Variants in GLRB observed in about 807,000 individuals in gnomAD.
GLRB encodes glycine receptor beta.
In GLRB, 33 loss-of-function variants were observed where a neutral mutation model predicts 54.2. The observed-to-expected ratio is 0.61, with a 90% CI of 0.46 to 0.81. The LOEUF is 0.81. GLRB is among the 40% of genes least tolerant of loss of function. The pLI is 0.00. For synonymous variants in GLRB, 209 were observed against 208.2 expected, an observed-to-expected ratio of 1.00 and a Z score of -0.03; for missense variants, 572 against 584.6, an observed-to-expected ratio of 0.98 and a Z score of 0.22.
In GLRB at chr4:157,105,270, A is replaced by G. The variant is rs557148882; in HGVS notation, c.123-15286A>G. Among the ~76,000 whole-genome samples the G allele has an allele frequency of 7.2e-5, 11 of 151,754 alleles. No homozygotes were observed. In the South Asian group the frequency reaches 2.1e-3, roughly 29 times the overall value. ...TCTCAATGTATTTTCTAATTTTAAT[A>G]TTTTTCATTAGCCCACTGGTTGTTC... On this transcript the variant is annotated intron_variant, in intron 2 of 9. Coordinates refer to ENST00000264428, the MANE Select transcript of GLRB (RefSeq NM_000824.5).
In GLRB at chr4:157,136,460, T is replaced by C. The variant is rs1301913965; in HGVS notation, c.298-9T>C. The C allele has an allele frequency of 4.7e-6, 7 of 1,498,118 alleles. No individual in the cohort carries two copies. Among genetic ancestry groups the C allele is most frequent in the Non-Finnish European group, 6.5e-6 (7 of 1,074,418 alleles). 92.8% of individuals were successfully genotyped at this position (1,498,118 alleles called of 1,614,324 possible). A position where few individuals can be genotyped will look rare whatever the true frequency, so the allele number is the denominator to read the frequency against. ...CATACACATGTGCACGCATGTACTTTTTCTTCAGGACTATAGAGTTAACAT... is the reference window on the plus strand; with the variant it reads ...CATACACATGTGCACGCATGTACTTCTTCTTCAGGACTATAGAGTTAACAT... On this transcript the variant is annotated splice_polypyrimidine_tract_variant and intron_variant, in intron 4 of 9. Transcript: ENST00000264428.
At chr4:157,162,869 A>G (rs1292459259) in intron 9 of GLRB, among the ~76,000 whole-genome samples, 3 of 152,198 alleles carry the variant, frequency 2.0e-5, no homozygotes, top group African/African-American at 7.2e-5. Flanking sequence ...AAGCTGTCAG[A>G]CAGGGACATT....
intron 2 of GLRB, among the ~76,000 whole-genome samples, chr4:157,098,150 T>C (rs891782557): frequency 1.3e-5 from 2 of 152,158 alleles, no homozygotes; most frequent in Non-Finnish European, 2.9e-5. Flanking sequence ...ATAAATGGAG[T>C]AATAACAATT....
At chr4:157,163,068 C>T (rs909219786) in intron 9 of GLRB, among the ~76,000 whole-genome samples, 3 of 152,286 alleles carry the variant, frequency 2.0e-5, no homozygotes, top group East Asian at 1.9e-4. Context: ...GCTTCCACCT[C>T]GCAGTTCGAT....
At chr4:157,159,187 C>G (rs969724618) in intron 9 of GLRB, among the ~76,000 whole-genome samples, 2 of 152,102 alleles carry the variant, frequency 1.3e-5, no homozygotes, top group African/African-American at 4.8e-5. Context: ...ATTTTGTATC[C>G]TGAGACTTTG....
chr4:157,106,162 A>G (rs1735216429), intron 2 of GLRB, among the ~76,000 whole-genome samples: 4 of 151,544 alleles, frequency 2.6e-5, no homozygotes, highest in Admixed American at 1.3e-4. Flanking sequence ...CATGTAGAGT[A>G]CTCTTGGGTG....
rs570591365 is a variant in GLRB at position 157,136,327 on chromosome 4, AGTT to A, written c.298-136_298-134del. ...TAATGGAGCTCTCCTTTAGTGACAC[AGTT>A]GTTGTGATCTTGGTTGATGTTGGAA... On this transcript the variant is annotated intron_variant, in intron 4 of 9. Transcript: ENST00000264428. 370 of 654,804 alleles carry A rather than the reference AGTT, an allele frequency of 5.7e-4. 1 individual carries two copies. The highest frequency in any genetic ancestry group is 9.4e-4 in the South Asian group (53 of 56,110). The allele number at this position is 654,804 out of a possible 1,614,324, so 40.6% of individuals were successfully genotyped here. A position where few individuals can be genotyped will look rare whatever the true frequency, so the allele number is the denominator to read the frequency against.
At chr4:157,119,112 A>G (rs1436220725) in intron 2 of GLRB, among the ~76,000 whole-genome samples, 2 of 151,708 alleles carry the variant, frequency 1.3e-5, no homozygotes, top group East Asian at 3.9e-4. Flanking sequence ...AGTTAATTAA[A>G]ATAGCAAAAC....
intron 4 of GLRB, among the ~76,000 whole-genome samples, chr4:157,125,269 G>A (rs1579219315): frequency 6.6e-6 from 1 of 151,956 alleles, no homozygotes; most frequent in African/African-American, 2.4e-5. Context: ...ACAAGAGTTT[G>A]AGAAAGCAGA....
At chr4:157,082,447 T>C (rs1016270380) in intron 2 of GLRB, among the ~76,000 whole-genome samples, 4 of 152,172 alleles carry the variant, frequency 2.6e-5, no homozygotes, top group Non-Finnish European at 5.9e-5. Context: ...GCACAAAATA[T>C]ACATATAATA....
chr4:157,081,597 T>C (rs1734224895), intron 2 of GLRB, among the ~76,000 whole-genome samples: 1 of 152,154 alleles, frequency 6.6e-6, no homozygotes, highest in South Asian at 2.1e-4. Flanking sequence ...CTTTCTACCT[T>C]AGCTTCTCAA....
chr4:157,103,472 T>A (rs1472365858), intron 2 of GLRB, among the ~76,000 whole-genome samples: 3 of 152,226 alleles, frequency 2.0e-5, no homozygotes, highest in Non-Finnish European at 1.5e-5. Context: ...CAAGCATAGT[T>A]CTACATTTCT....
intron 9 of GLRB, among the ~76,000 whole-genome samples, chr4:157,160,469 A>G (rs1472670812): frequency 2.0e-5 from 3 of 151,826 alleles, no homozygotes; most frequent in African/African-American, 7.3e-5. Flanking sequence ...GTGGGCATTT[A>G]GTGCTATAAA....
chr4:157,114,363 A>T (rs1372464846), intron 2 of GLRB, among the ~76,000 whole-genome samples: 1 of 150,136 alleles, frequency 6.7e-6, no homozygotes, highest in Non-Finnish European at 1.5e-5. Context: ...TCAAATAAAC[A>T]TTTTATTTTA....
chr4:157,078,039 G>A lies in GLRB; in HGVS notation c.15G>A (p.Leu5=), dbSNP rs1734100514. MKFL[L]TTAFLILISL... ...AAGTTTTCAAGATGAAGTTTTTATT[G>A]ACAACTGCCTTTTTAATTTTAATTT... Residue 5 remains leucine, a synonymous_variant, in exon 2 of 10, where the codon TTG becomes TTA. Coordinates refer to ENST00000264428, the MANE Select transcript of GLRB (RefSeq NM_000824.5). 6.2e-7 allele frequency: 1 copy of A among 1,610,446 alleles called. No homozygotes were observed.
At chr4:157,127,256 A>C (rs2126544925) in intron 4 of GLRB, among the ~76,000 whole-genome samples, 1 of 151,986 alleles carries the variant, frequency 6.6e-6, no homozygotes, top group East Asian at 1.9e-4. Context: ...ATAGAATAAT[A>C]GAATTTACTG....
At chr4:157,105,155 T>A (rs1460897414) in intron 2 of GLRB, among the ~76,000 whole-genome samples, 2 of 151,918 alleles carry the variant, frequency 1.3e-5, no homozygotes, top group Non-Finnish European at 2.9e-5. Context: ...GAGTTATATC[T>A]TCTTGTCTAA....
chr4:157,120,432 A>AT (rs1735769860), intron 2 of GLRB, 124 bp from the exon 3 acceptor site: 1 of 341,282 alleles, frequency 2.9e-6, no homozygotes, highest in Admixed American at 4.2e-5. Context: ...AAAAAAAAGA[A>AT]GAAAAAGCCA....
At position 157,170,476 on chromosome 4, in the gene GLRB, T is replaced by G. The variant is rs1737877286; in HGVS notation, c.1242T>G (p.Asp414Glu). 1 of 1,608,714 alleles carries G rather than the reference T, an allele frequency of 6.2e-7. No individual in the cohort carries two copies. Among genetic ancestry groups the G allele is most frequent in the Non-Finnish European group, 8.5e-7 (1 of 1,175,310 alleles). ...AAAAAGTTTGTACTTCTAAGTCTGA[T>G]CTGAGATCTAATGACTTCAGCATTG... Reference protein sequence around the residue: ...RCKKVCTSKSDLRSNDFSIVG... With the variant: ...RCKKVCTSKSELRSNDFSIVG... The change falls in exon 10 of 10, where the codon GAT becomes GAG. Residue 414 changes from aspartate to glutamate, a missense_variant. Coordinates refer to ENST00000264428, the MANE Select transcript of GLRB (RefSeq NM_000824.5).
Sources: gnomAD v4.1 joint callset for allele counts (sites outside exome capture counted in the v4.1 genomes callset) on GRCh38, gnomAD v4.1.1 for gene constraint, MANE v1.5 for transcripts, NCBI Gene and HGNC (gene_info 2026-07-23, HGNC 2026-07-21) for gene names.